SLC9A9: variants seen among roughly 807,000 people sequenced by gnomAD.
The protein encoded by SLC9A9 is sodium/hydrogen exchanger 9.
SLC9A9 carries 62 observed loss-of-function variants against 77.8 expected under a neutral mutation model. The ratio of observed to expected loss-of-function variants is 0.80; its 90% confidence interval spans 0.65 to 0.98. The LOEUF is 0.98. Ranked by LOEUF, SLC9A9 falls within the 50% of genes least tolerant of loss-of-function variation. SLC9A9 has a pLI of 0.00. For synonymous variants in SLC9A9, 320 were observed against 283.5 expected, an observed-to-expected ratio of 1.13 and a Z score of -1.29; for missense variants, 775 against 774.9, an observed-to-expected ratio of 1.00 and a Z score of 0.00.
chr3:143,831,363 A>G (rs1163615447), intron 2 of SLC9A9, among the ~76,000 whole-genome samples: 1 of 152,244 alleles, frequency 6.6e-6, no homozygotes, highest in African/African-American at 2.4e-5. Context: ...TCCTGAAAGC[A>G]GAAGAAAGTT....
At chr3:143,273,257 T>C (rs910031283) in intron 14 of SLC9A9, among the ~76,000 whole-genome samples, 3 of 152,196 alleles carry the variant, frequency 2.0e-5, no homozygotes, top group Non-Finnish European at 4.4e-5. Flanking sequence ...ATTGCACCTA[T>C]GTGGACTGAA....
At chr3:143,731,395 C>A (rs1392670782) in intron 4 of SLC9A9, among the ~76,000 whole-genome samples, 1 of 152,162 alleles carries the variant, frequency 6.6e-6, no homozygotes, top group Non-Finnish European at 1.5e-5. Context: ...TCCTAGGCCT[C>A]TGTAGGGCCT....
intron 12 of SLC9A9, among the ~76,000 whole-genome samples, chr3:143,462,666 C>T (rs573953628): frequency 6.6e-6 from 1 of 152,312 alleles, no homozygotes; most frequent in South Asian, 2.1e-4. Flanking sequence ...AAAACCTGCA[C>T]TGAAGAATTT....
chr3:143,750,604 T>C lies in SLC9A9; in HGVS notation c.533+44397A>G, dbSNP rs892428298. 1.5e-4 allele frequency among the ~76,000 whole-genome samples: 23 copies of C among 152,192 alleles called. 1 individual carries two copies. The highest frequency in any genetic ancestry group is 3.4e-3 in the Middle Eastern group (1 of 294). ...GACAAATCTGCCTGCTGTCCTGTAATGGTGAAAGATGAAAATGTTTTATGA... is the reference window on the plus strand; with the variant it reads ...GACAAATCTGCCTGCTGTCCTGTAACGGTGAAAGATGAAAATGTTTTATGA... On this transcript the variant is annotated intron_variant, in intron 4 of 15. Transcript: ENST00000316549.
intron 5 of SLC9A9, among the ~76,000 whole-genome samples, chr3:143,688,101 T>C (rs1436120983): frequency 6.6e-6 from 1 of 151,568 alleles, no homozygotes; most frequent in Non-Finnish European, 1.5e-5. Context: ...CTCTCTCTTT[T>C]CCTTTCTTTC....
intron 5 of SLC9A9, among the ~76,000 whole-genome samples, chr3:143,659,021 C>T (rs1161828607): frequency 6.6e-6 from 1 of 152,096 alleles, no homozygotes; most frequent in Non-Finnish European, 1.5e-5. Context: ...ATTTTCTCAC[C>T]AGTGAGGTTT....
intron 1 of SLC9A9, among the ~76,000 whole-genome samples, chr3:143,839,606 A>C (rs2009657968): frequency 6.6e-6 from 1 of 152,128 alleles, no homozygotes; most frequent in African/African-American, 2.4e-5. Flanking sequence ...CACACATGCA[A>C]GCACATACAA....
chr3:143,519,006 A>G (rs903978985), intron 9 of SLC9A9, among the ~76,000 whole-genome samples: 3 of 152,340 alleles, frequency 2.0e-5, no homozygotes, highest in African/African-American at 4.8e-5. Context: ...ACATTTGTTG[A>G]TTTATTTATT....
At chr3:143,329,995 G>GAAAAAGAAAAA (rs1244446113) in intron 14 of SLC9A9, among the ~76,000 whole-genome samples, 1 of 152,020 alleles carries the variant, frequency 6.6e-6, no homozygotes, top group Non-Finnish European at 1.5e-5. Flanking sequence ...TCAAACTACT[G>GAAAAAGAAAAA]GAAAAAAAAG....
rs541827444 is a variant in SLC9A9, at chr3:143,848,442, T to C, written c.-120A>G. On this transcript the variant is annotated 5_prime_UTR_variant, in exon 1 of 16. An upstream open reading frame in the 5' UTR loses its in-frame stop. Transcript: ENST00000316549. ...GAAGAAACACTGCCACTTTAGTTGC[T>C]ACTTCACAAGCATTCTGCCCTGGCT... 9 of 1,304,550 alleles carry C rather than the reference T, an allele frequency of 6.9e-6. No homozygotes were observed. Among genetic ancestry groups the C allele is most frequent in the East Asian group, 2.4e-5 (1 of 42,200 alleles). 80.8% of individuals were successfully genotyped at this position (1,304,550 alleles called of 1,614,324 possible). A position where few individuals can be genotyped will look rare whatever the true frequency, so the allele number is the denominator to read the frequency against.
chr3:143,550,331 C>A (rs1334667812), intron 9 of SLC9A9, among the ~76,000 whole-genome samples: 2 of 152,180 alleles, frequency 1.3e-5, no homozygotes, highest in Non-Finnish European at 2.9e-5. Flanking sequence ...CCTCCACTTG[C>A]ATTTTGGGCT....
intron 6 of SLC9A9, among the ~76,000 whole-genome samples, chr3:143,634,318 C>T (rs148168552): frequency 1.1e-4 from 17 of 152,188 alleles, no homozygotes; most frequent in African/African-American, 3.9e-4. Flanking sequence ...GTGTTTTCTT[C>T]TTCAAAACCA....
intron 4 of SLC9A9, among the ~76,000 whole-genome samples, chr3:143,699,911 A>T (rs1267006585): frequency 6.6e-6 from 1 of 151,814 alleles, no homozygotes. Flanking sequence ...CAGCTCATGG[A>T]TCCAAAAGAG....
At chr3:143,526,239 A>G (rs981184704) in intron 9 of SLC9A9, among the ~76,000 whole-genome samples, 2 of 152,180 alleles carry the variant, frequency 1.3e-5, no homozygotes, top group African/African-American at 4.8e-5. Flanking sequence ...AGAAGCACCA[A>G]AAGGAAGTCT....
At chr3:143,772,022 A>ATGTGTGTGTGTGTGTGTGTGTGTG (rs55750613) in intron 4 of SLC9A9, among the ~76,000 whole-genome samples, 16 of 141,712 alleles carry the variant, frequency 1.1e-4, no homozygotes, top group African/African-American at 3.9e-4. Flanking sequence ...CATCCCCAGA[A>ATGTGTGTGTGTGTGTGTGTGTGTG]TGTGTGTGTG....
intron 6 of SLC9A9, among the ~76,000 whole-genome samples, chr3:143,648,453 C>T (rs2038740073): frequency 6.6e-6 from 1 of 152,290 alleles, no homozygotes; most frequent in East Asian, 1.9e-4. Flanking sequence ...CGCCGCTGAT[C>T]TCACAGAGGC....
At chr3:143,650,385 G>A (rs896064963) in intron 6 of SLC9A9, among the ~76,000 whole-genome samples, 1 of 152,204 alleles carries the variant, frequency 6.6e-6, no homozygotes, top group African/African-American at 2.4e-5. Context: ...AATAGTATGT[G>A]TGCTATAAAT....
intron 14 of SLC9A9, among the ~76,000 whole-genome samples, chr3:143,285,151 G>A (rs527823108): frequency 6.6e-6 from 1 of 152,058 alleles, no homozygotes; most frequent in Non-Finnish European, 1.5e-5. Context: ...TGTCACATAG[G>A]TACACACGTG....
intron 1 of SLC9A9, 107 bp from the exon 2 acceptor site, chr3:143,832,328 G>C (rs778152244): frequency 4.2e-6 from 4 of 959,460 alleles, no homozygotes; most frequent in Non-Finnish European, 6.3e-6. Flanking sequence ...ATAAAGTGTT[G>C]GGTTATTGCC....
Sources: gnomAD v4.1 joint callset for allele counts (sites outside exome capture counted in the v4.1 genomes callset) on GRCh38, gnomAD v4.1.1 for gene constraint, MANE v1.5 for transcripts, NCBI Gene and HGNC (gene_info 2026-07-23, HGNC 2026-07-21) for gene names.